Variants in PIGS observed in about 807,000 individuals in gnomAD.
PIGS encodes the protein phosphatidylinositol glycan anchor biosynthesis class S.
PIGS carries 37 observed loss-of-function variants against 58.2 expected under a neutral mutation model. The ratio of observed to expected loss-of-function variants is 0.64; its 90% CI spans 0.49 to 0.84. The LOEUF (loss-of-function observed/expected upper bound fraction) is 0.84, where lower values mean the gene tolerates loss of function less well. PIGS is among the 40% of genes least tolerant of loss of function. The probability of loss-of-function intolerance (pLI) is 0.00; values close to 1 mark genes in which losing one functional copy is unlikely to be tolerated. For synonymous variants in PIGS, 269 were observed against 289.2 expected, an observed-to-expected ratio of 0.93 and a Z score of 0.71; for missense variants, 629 against 710.8, an observed-to-expected ratio of 0.88 and a Z score of 1.31.
chr17:28,560,324 G>C lies in PIGS; in HGVS notation c.677-133C>G, dbSNP rs966851599. On this transcript the variant is annotated intron_variant, in intron 6 of 11. Transcript: ENST00000308360. The stretch of plus-strand genomic sequence containing the variant: ...CTTTCCATCATGGAACCAAAAGGAG[G>C]ACAAAACTGGGATGAGGAACACTGA... 3 of 1,113,268 alleles carry C rather than the reference G, an allele frequency of 2.7e-6. No individual in the cohort carries two copies. In the Admixed American group the frequency reaches 8.5e-5, roughly 32 times the overall value. 69.0% of individuals were successfully genotyped at this position (1,113,268 alleles called of 1,614,324 possible). A position where few individuals can be genotyped will look rare whatever the true frequency, so the allele number is the denominator to read the frequency against.
In PIGS at chr17:28,554,005, C is replaced by A; in HGVS notation, c.*215G>T. On this transcript the variant is annotated 3_prime_UTR_variant, in exon 12 of 12. Coordinates refer to ENST00000308360, the MANE Select transcript of PIGS (RefSeq NM_033198.4). ...GACCCGGATGATGTGCCTTTTGAGG[C>A]CCCTGGTGGTGGAGGAGGATTGAGC... The A allele has an allele frequency of 1.7e-6, 1 of 602,740 alleles. No homozygotes were observed. Among genetic ancestry groups the A allele is most frequent in the South Asian group, 2.1e-5 (1 of 48,272 alleles). 37.3% of individuals were successfully genotyped at this position (602,740 alleles called of 1,614,324 possible).
intron 11 of PIGS, 120 bp from the exon 12 acceptor site, chr17:28,554,615 T>C: frequency 7.5e-7 from 1 of 1,331,002 alleles, no homozygotes; most frequent in Non-Finnish European, 1.0e-6. Flanking sequence ...ATCCAGGATC[T>C]ATGGAAGTCT....
At chr17:28,571,270 A>C (rs2070427331) in intron 1 of PIGS, 82 bp from the exon 2 acceptor site, 1 of 1,553,290 alleles carries the variant, frequency 6.4e-7, no homozygotes. Flanking sequence ...AGCCCCAACC[A>C]CCGGCCTCCA....
chr17:28,556,821 T>C lies in PIGS; in HGVS notation c.1080+6A>G, dbSNP rs1286210955. On this transcript the variant is annotated splice_donor_region_variant and intron_variant, in intron 9 of 11. Transcript: ENST00000308360. The stretch of plus-strand genomic sequence containing the variant: ...GGCTCTGGGGTCTGCGTAGTGTGAC[T>C]ATTACCATAATGCCACCCCAGCGGG... 6.2e-7 allele frequency: 1 copy of C among 1,613,322 alleles called. No homozygotes were observed. Among genetic ancestry groups the C allele is most frequent in the Non-Finnish European group, 8.5e-7 (1 of 1,179,702 alleles).
chr17:28,563,369 G>A (rs1457063180), intron 5 of PIGS, 62 bp downstream of exon 5: 58 of 1,331,390 alleles, frequency 4.4e-5, no homozygotes, highest in South Asian at 1.7e-4. Context: ...CAAGAAGGAG[G>A]TGACCCAGGA....
intron 4 of PIGS, 121 bp from the exon 5 acceptor site, chr17:28,563,643 T>A: frequency 8.3e-7 from 1 of 1,212,026 alleles, no homozygotes; most frequent in Non-Finnish European, 1.2e-6. Context: ...CAGGCTTGGG[T>A]AAGCCAATCA....
chr17:28,567,014 A>G (rs1409812266), intron 3 of PIGS, among the ~76,000 whole-genome samples: 1 of 152,044 alleles, frequency 6.6e-6, no homozygotes, highest in Non-Finnish European at 1.5e-5. Flanking sequence ...ACAGAGTGAG[A>G]CCCTGTCTCT....
At position 28,560,373 on chromosome 17, in the gene PIGS, G is replaced by A. The variant is rs578019931; in HGVS notation, c.677-182C>T. 90 of 654,410 alleles carry A rather than the reference G, an allele frequency of 1.4e-4. No homozygotes were observed. The African/African-American group carries it at 1.6e-3, about 12-fold the overall frequency. 40.5% of individuals were successfully genotyped at this position (654,410 alleles called of 1,614,324 possible). On this transcript the variant is annotated intron_variant, in intron 6 of 11. Coordinates refer to ENST00000308360, the MANE Select transcript of PIGS (RefSeq NM_033198.4). ...GAGTAAGAAAAAGCTGCCGGGCGCT[G>A]TGGCTCATGTCTGTAATCCCAGCAC...
At chr17:28,555,106 G>A (rs1473271719) in intron 10 of PIGS, 45 bp from the exon 11 acceptor site, 2 of 1,509,534 alleles carry the variant, frequency 1.3e-6, no homozygotes, top group African/African-American at 2.8e-5. Flanking sequence ...AGACCACAAG[G>A]CGGGAGATCA....
At chr17:28,555,936 T>C (rs1462453878) in intron 10 of PIGS, 5 of 450,646 alleles carry the variant, frequency 1.1e-5, no homozygotes, top group African/African-American at 1.0e-4. Context: ...ACCACTGCAC[T>C]CCGGCCTGGG....
Position 28,554,902 on chromosome 17 carries a change from C to T in PIGS, c.1341G>A (p.Gln447=). The T allele has an allele frequency of 6.2e-7, 1 of 1,614,162 alleles. No homozygotes were observed. Among genetic ancestry groups the T allele is most frequent in the South Asian group, 1.1e-5 (1 of 91,084 alleles). The part of the protein sequence containing the change: ...TATTTLTSLA[Q]LLGKISNIVI... ...CAATGTTGCTGATCTTGCCCAGAAG[C>T]TGCGCCAGGGAGGTAAGGGTGGTGG... is the stretch of plus-strand genomic sequence containing the variant. Residue 447 remains glutamine, a synonymous_variant, in exon 11 of 12, where the codon CAG becomes CAA. Coordinates refer to ENST00000308360, the MANE Select transcript of PIGS (RefSeq NM_033198.4).
At chr17:28,555,301 A>T in intron 10 of PIGS, 1 of 496,068 alleles carries the variant, frequency 2.0e-6, no homozygotes, top group Non-Finnish European at 3.5e-6. Flanking sequence ...GATTTCCAAG[A>T]TCTTGTTTTT....
rs2070308623 is a variant in PIGS, at chr17:28,554,083, T to C, written c.*137A>G. 1 of 1,128,342 alleles carries C rather than the reference T, an allele frequency of 8.9e-7. No individual in the cohort carries two copies. Among genetic ancestry groups the C allele is most frequent in the South Asian group, 1.5e-5 (1 of 66,136 alleles). The allele number at this position is 1,128,342 out of a possible 1,614,324, so 69.9% of individuals were successfully genotyped here. ...GAACCCATCTTGGAGTGTTGTACTTTGGTTGCTGGAGAGCCAACAGTGGAG... is the reference window on the plus strand; with the variant it reads ...GAACCCATCTTGGAGTGTTGTACTTCGGTTGCTGGAGAGCCAACAGTGGAG... On this transcript the variant is annotated 3_prime_UTR_variant, in exon 12 of 12. Transcript: ENST00000308360.
intron 10 of PIGS, chr17:28,555,323 T>A: frequency 2.2e-6 from 1 of 465,002 alleles, no homozygotes; most frequent in Non-Finnish European, 3.8e-6. Flanking sequence ...AAAAAAAGGT[T>A]CCATGGCTAA....
chr17:28,571,482 C>A lies in PIGS; in HGVS notation c.15G>T (p.Gly5=). 2.5e-6 allele frequency: 4 copies of A among 1,608,760 alleles called. No homozygotes were observed. Among genetic ancestry groups the A allele is most frequent in the Non-Finnish European group, 3.4e-6 (4 of 1,177,996 alleles). MAAA[G]AAATHLEVAR... ...CCGCACCTAGGTGTGTAGCCGCAGCCCCGGCGGCCGCCATGCTAGCTTCCG... is the reference window on the plus strand; with the variant it reads ...CCGCACCTAGGTGTGTAGCCGCAGCACCGGCGGCCGCCATGCTAGCTTCCG... The change falls in exon 1 of 12, where the codon GGG becomes GGT. Residue 5 remains glycine, a synonymous_variant. Coordinates refer to ENST00000308360, the MANE Select transcript of PIGS (RefSeq NM_033198.4).
At chr17:28,555,600 A>C (rs1293957308) in intron 10 of PIGS, 1 of 168,150 alleles carries the variant, frequency 5.9e-6, no homozygotes, top group Non-Finnish European at 1.3e-5. Context: ...AGGCAGCATA[A>C]GAATTAACAG....
chr17:28,571,209 C>A (rs1385258579), intron 1 of PIGS, 21 bp from the exon 2 acceptor site: 1 of 1,608,018 alleles, frequency 6.2e-7, no homozygotes, highest in Non-Finnish European at 8.5e-7. Context: ...GGGGAACCGA[C>A]TGAGGCGCTG....
At chr17:28,554,590 A>G (rs923071434) in intron 11 of PIGS, 95 bp from the exon 12 acceptor site, 5 of 1,412,798 alleles carry the variant, frequency 3.5e-6, no homozygotes, top group African/African-American at 1.4e-5. Flanking sequence ...CTACCAAGGA[A>G]GATGCCTGGA....
rs147358449 is a variant in PIGS at position 28,571,148 on chromosome 17, C to T, written c.75G>A (p.Ala25=). 7.1e-5 allele frequency: 115 copies of T among 1,613,762 alleles called. No homozygotes were observed. The African/African-American group carries it at 1.4e-3, about 20-fold the overall frequency. ...GCGGTAGCCCCAGCACGATGGCCACCGCAGCGAAGAAGAGGGCGGCGCGCT... is the reference window on the plus strand; with the variant it reads ...GCGGTAGCCCCAGCACGATGGCCACTGCAGCGAAGAAGAGGGCGGCGCGCT... The part of the protein sequence containing the change: ...RGKRAALFFA[A]VAIVLGLPLW... The change falls in exon 2 of 12, where the codon GCG becomes GCA. Residue 25 remains alanine (A), a synonymous_variant. Transcript: ENST00000308360.
Sources: gnomAD v4.1 joint callset for allele counts (sites outside exome capture counted in the v4.1 genomes callset) on GRCh38, gnomAD v4.1.1 for gene constraint, MANE v1.5 for transcripts, NCBI Gene and HGNC (gene_info 2026-07-23, HGNC 2026-07-21) for gene names.